Variants in BIRC6 observed in about 807,000 individuals in gnomAD.
The protein encoded by BIRC6 is dual E2 ubiquitin-conjugating enzyme/E3 ubiquitin-protein ligase BIRC6.
A neutral mutation model predicts 503.3 loss-of-function variants in BIRC6; 98 were observed. The ratio of observed to expected loss-of-function variants is 0.19; its 90% confidence interval spans 0.17 to 0.23. The LOEUF is 0.23. Ranked by LOEUF, BIRC6 falls within the 10% of genes least tolerant of loss-of-function variation. The pLI, the probability that BIRC6 is intolerant of heterozygous loss-of-function variation, is 1.00. For missense variants in BIRC6, 5,360 were observed against 5,806.0 expected (o/e 0.92, Z 2.50); for synonymous variants, 2,240 against 2,078.7 (o/e 1.08, Z -2.11).
intron 73 of BIRC6, among the ~76,000 whole-genome samples, chr2:32,614,598 C>T (rs1035834707): frequency 1.3e-5 from 2 of 152,152 alleles, no homozygotes; most frequent in Admixed American, 6.5e-5. Flanking sequence ...GAGGCCAAGG[C>T]GGGCAGATCA....
chr2:32,412,888 T>C (rs539071779), intron 9 of BIRC6, among the ~76,000 whole-genome samples: 1 of 152,368 alleles, frequency 6.6e-6, no homozygotes, highest in East Asian at 1.9e-4. Flanking sequence ...GAAATTCTGT[T>C]ACTTTGATAT....
rs183527235 is a variant in BIRC6 at position 32,409,304 on chromosome 2, C to T, written c.1477+2747C>T. On this transcript the variant is annotated intron_variant, in intron 9 of 73. Transcript: ENST00000421745. ...CCTCCCGAGTAGCTGGGATTACAGG[C>T]GCCCACCACCACACCTAATTTTTGT... 1.3e-4 allele frequency among the ~76,000 whole-genome samples: 20 copies of T among 152,066 alleles called. No individual in the cohort carries two copies. In the East Asian group the frequency reaches 2.5e-3, roughly 19 times the overall value.
At chr2:32,384,774 A>T (rs2038199672) in intron 3 of BIRC6, among the ~76,000 whole-genome samples, 2 of 152,196 alleles carry the variant, frequency 1.3e-5, no homozygotes, top group African/African-American at 4.8e-5. Flanking sequence ...GGTATTTTGC[A>T]CACAAGTCCA....
chr2:32,598,897 C>T (rs1052021063), intron 69 of BIRC6, among the ~76,000 whole-genome samples: 8 of 151,712 alleles, frequency 5.3e-5, no homozygotes, highest in Admixed American at 3.3e-4. Flanking sequence ...GTGGCAGGCA[C>T]CTATAATCCC....
At position 32,473,182 on chromosome 2, in the gene BIRC6, T is replaced by G; in HGVS notation, c.6663T>G (p.Ser2221Arg). Residue 2221 changes from serine to arginine, a missense_variant, in exon 33 of 74, where the codon AGT becomes AGG. Ser to Arg is a moderately radical substitution (Grantham distance 110, BLOSUM62 -1). Coordinates refer to ENST00000421745, the MANE Select transcript of BIRC6 (RefSeq NM_016252.4). ...QSLNRSSKGS[S>R]SLDRLYSRKI... The stretch of plus-strand genomic sequence containing the variant: ...TAAATAGATCTTCTAAAGGCAGCAG[T>G]AGCCTTGATAGATTATATTCCAGAA... The G allele has an allele frequency of 6.4e-7, 1 of 1,564,250 alleles. No homozygotes were observed. The highest frequency in any genetic ancestry group is 8.7e-7 in the Non-Finnish European group (1 of 1,151,782).
chr2:32,443,609 C>T, intron 20 of BIRC6, 21 bp downstream of exon 20: 1 of 1,511,894 alleles, frequency 6.6e-7, no homozygotes, highest in South Asian at 1.2e-5. Flanking sequence ...TTAATTTAAT[C>T]ACAAATAGTT....
intron 27 of BIRC6, 37 bp downstream of exon 27, chr2:32,467,776 T>C (rs1558810767): frequency 1.3e-6 from 2 of 1,549,370 alleles, no homozygotes; most frequent in Non-Finnish European, 8.8e-7. Flanking sequence ...ATACGCTTTC[T>C]ATGTTTCTGA....
chr2:32,482,729 T>C (rs2050549885), intron 39 of BIRC6, 147 bp downstream of exon 39: 1 of 807,714 alleles, frequency 1.2e-6, no homozygotes, highest in African/African-American at 1.7e-5. Flanking sequence ...TTCAGAGCTG[T>C]TTCTTTGTAG....
At position 32,515,623 on chromosome 2, in the gene BIRC6, A is replaced by G. The variant is rs760749788; in HGVS notation, c.11202A>G (p.Gln3734=). ...STSGSHNLGA[Q]QTSARSASLS... ...CTGGAAGCCATAATTTAGGTGCACA[A>G]CAGACCAGTGCAAGATCAGCTTCTC... The change falls in exon 55 of 74, where the codon CAA becomes CAG. Residue 3734 remains glutamine (Q), a synonymous_variant. Transcript: ENST00000421745. 3 of 1,613,272 alleles carry G rather than the reference A, an allele frequency of 1.9e-6. No individual in the cohort carries two copies. The highest frequency in any genetic ancestry group is 2.7e-5 in the African/African-American group (2 of 74,928).
intron 73 of BIRC6, among the ~76,000 whole-genome samples, chr2:32,616,729 T>C (rs1487152681): frequency 1.3e-5 from 2 of 152,186 alleles, no homozygotes; most frequent in Non-Finnish European, 2.9e-5. Context: ...TTTATTTTAA[T>C]TTACGGATTT....
At chr2:32,414,500 C>G (rs1320613580) in intron 9 of BIRC6, among the ~76,000 whole-genome samples, 1 of 151,900 alleles carries the variant, frequency 6.6e-6, no homozygotes, top group Non-Finnish European at 1.5e-5. Flanking sequence ...AACCCAGGCT[C>G]TACTAAAAAT....
Position 32,442,222 on chromosome 2 carries a change from G to A in BIRC6, c.4102G>A (p.Gly1368Arg), listed in dbSNP as rs200103899. 2.2e-5 allele frequency: 35 copies of A among 1,603,432 alleles called. No homozygotes were observed. The South Asian group carries it at 2.7e-4, about 12-fold the overall frequency. Reference sequence around the variant, plus strand: ...AGCTGGAGTTCATTCAAATGGACCCGGAAGGTTAATAATTAAAATTTTGCT... The same window carrying A: ...AGCTGGAGTTCATTCAAATGGACCCAGAAGGTTAATAATTAAAATTTTGCT... ...WLAGVHSNGP[G>R]SSKEGNENLL... Residue 1368 changes from glycine (G) to arginine (R), a missense_variant, in exon 18 of 74, where the codon GGA (glycine) becomes AGA (arginine). Around this residue, in one of 16 missense-constraint regions of BIRC6, gnomAD observed 2,299 missense variants for 2,267.2 expected, o/e 1.01. Coordinates refer to ENST00000421745, the MANE Select transcript of BIRC6 (RefSeq NM_016252.4).
At chr2:32,438,085 T>C (rs1048439357) in intron 15 of BIRC6, among the ~76,000 whole-genome samples, 4 of 152,164 alleles carry the variant, frequency 2.6e-5, no homozygotes, top group Admixed American at 1.3e-4. Flanking sequence ...AGCCACCACG[T>C]CTGGTCAAAA....
intron 37 of BIRC6, among the ~76,000 whole-genome samples, chr2:32,480,080 A>G (rs908099101): frequency 6.6e-6 from 1 of 152,012 alleles, no homozygotes; most frequent in African/African-American, 2.4e-5. Context: ...ACTAATCTGT[A>G]TATGTCAGAT....
At chr2:32,377,515 CTATG>C in intron 1 of BIRC6, 69 bp from the exon 2 acceptor site, 1 of 1,243,522 alleles carries the variant, frequency 8.0e-7, no homozygotes, top group African/African-American at 1.5e-5. Context: ...TGTTTAGTCA[CTATG>C]TAAACATTTA....
At chr2:32,427,313 G>A (rs189370390) in intron 10 of BIRC6, among the ~76,000 whole-genome samples, 1 of 150,940 alleles carries the variant, frequency 6.6e-6, no homozygotes. Context: ...ACAAAGTCTT[G>A]CTCTTGTCGC....
chr2:32,606,595 A>G (rs1334148491), intron 71 of BIRC6, among the ~76,000 whole-genome samples: 1 of 152,052 alleles, frequency 6.6e-6, no homozygotes, highest in African/African-American at 2.4e-5. Flanking sequence ...TCCATCTCAA[A>G]GAAATAAATA....
At chr2:32,584,190 T>C (rs1214851141) in intron 66 of BIRC6, among the ~76,000 whole-genome samples, 1 of 152,088 alleles carries the variant, frequency 6.6e-6, no homozygotes, top group Non-Finnish European at 1.5e-5. Context: ...CTGGGTAATA[T>C]AACGAGACCC....
At chr2:32,442,034 G>A (rs1296038101) in intron 17 of BIRC6, 31 bp from the exon 18 acceptor site, 2 of 1,453,744 alleles carry the variant, frequency 1.4e-6, no homozygotes, top group African/African-American at 2.8e-5. Flanking sequence ...TGTTTTGTTT[G>A]GTAATGTGTT....
Sources: gnomAD v4.1 joint callset for allele counts (sites outside exome capture counted in the v4.1 genomes callset) on GRCh38, gnomAD v4.1.1 for gene constraint, gnomAD v4.1.1 regional missense constraint, MANE v1.5 for transcripts, NCBI Gene and HGNC (gene_info 2026-07-23, HGNC 2026-07-21) for gene names.